The following KDM4B variants were observed in gnomAD, a reference collection of about 807,000 sequenced individuals.
KDM4B encodes the protein lysine demethylase 4B.
A neutral mutation model predicts 125.2 loss-of-function variants in KDM4B; 32 were observed. That is an observed-to-expected ratio of 0.26 (90% CI 0.19 to 0.34). The LOEUF (loss-of-function observed/expected upper bound fraction) is 0.34, where lower values mean the gene tolerates loss of function less well. Among genes scored for constraint, KDM4B ranks in the 10% least tolerant of loss-of-function variants. KDM4B has a pLI of 1.00. For synonymous variants in KDM4B, 721 were observed against 677.9 expected, an observed-to-expected ratio of 1.06 and a Z score of -0.99; for missense variants, 1,190 against 1,577.7, an observed-to-expected ratio of 0.75 and a Z score of 4.16.
chr19:4,983,975 G>C (rs11880607), intron 1 of KDM4B, among the ~76,000 whole-genome samples: 1 of 152,116 alleles, frequency 6.6e-6, no homozygotes, highest in African/African-American at 2.4e-5. Flanking sequence ...ATTACCACGC[G>C]AAAAGCCCTT....
intron 9 of KDM4B, among the ~76,000 whole-genome samples, chr19:5,110,365 G>T (rs1393798612): frequency 6.6e-6 from 1 of 152,170 alleles, no homozygotes; most frequent in Non-Finnish European, 1.5e-5. Flanking sequence ...CCAGCTACTT[G>T]GGAGGCTGAG....
At position 5,114,827 on chromosome 19, in the gene KDM4B, G is replaced by A. The variant is rs1382282599; in HGVS notation, c.1115+4009G>A. Among the ~76,000 whole-genome samples, 2 of 152,188 alleles carry A rather than the reference G, an allele frequency of 1.3e-5. No individual in the cohort carries two copies. The highest frequency in any genetic ancestry group is 4.8e-5 in the African/African-American group (2 of 41,448). On this transcript the variant is annotated intron_variant, in intron 10 of 22. Coordinates refer to ENST00000159111, the MANE Select transcript of KDM4B (RefSeq NM_015015.3). This position sits in a 1 kb window ranked among gnomAD's most constrained non-coding sequence, Gnocchi z 5.8. ...TTACTGGGTGACAGGGCCAGAGGCC[G>A]TCCACCCCGCCTCCTGCCATACAAG...
intron 5 of KDM4B, among the ~76,000 whole-genome samples, chr19:5,042,684 G>T (rs370282617): frequency 1.4e-4 from 21 of 151,754 alleles, no homozygotes; most frequent in Non-Finnish European, 2.2e-4. Flanking sequence ...GAGAGTGAGG[G>T]GGGGGGCGCC....
intron 1 of KDM4B, among the ~76,000 whole-genome samples, chr19:4,992,048 A>G (rs1599370269): frequency 6.6e-6 from 1 of 152,114 alleles, no homozygotes; most frequent in Non-Finnish European, 1.5e-5. Flanking sequence ...TGAGTTCTCC[A>G]GAGATGGAGG....
chr19:5,136,295 G>A (rs1052930168), intron 15 of KDM4B, among the ~76,000 whole-genome samples: 1 of 152,220 alleles, frequency 6.6e-6, no homozygotes, highest in Non-Finnish European at 1.5e-5. Context: ...CCAGTCCTGA[G>A]GCTCGACCAT....
chr19:5,128,369 G>T (rs2039485250), intron 11 of KDM4B, among the ~76,000 whole-genome samples: 1 of 152,136 alleles, frequency 6.6e-6, no homozygotes, highest in South Asian at 2.1e-4. Flanking sequence ...GCCCTCCTGG[G>T]CCAGATCCCA....
At chr19:4,969,738 C>A (rs1256148137) in intron 1 of KDM4B, among the ~76,000 whole-genome samples, 1 of 152,000 alleles carries the variant, frequency 6.6e-6, no homozygotes. Flanking sequence ...GGAAGCCCCC[C>A]AGCTGGACAC....
chr19:5,007,715 T>C (rs2035606904), intron 1 of KDM4B, among the ~76,000 whole-genome samples: 1 of 151,936 alleles, frequency 6.6e-6, no homozygotes, highest in Non-Finnish European at 1.5e-5. Context: ...CTGGCTAATT[T>C]TTTTCTTCTT....
chr19:5,123,611 G>A (rs766304811), intron 11 of KDM4B, among the ~76,000 whole-genome samples: 7 of 152,250 alleles, frequency 4.6e-5, no homozygotes, highest in Non-Finnish European at 8.8e-5. Context: ...GGGGCTTCCT[G>A]CAGGGCAGGA....
intron 6 of KDM4B, among the ~76,000 whole-genome samples, chr19:5,068,545 T>C (rs1262948337): frequency 6.6e-6 from 1 of 152,208 alleles, no homozygotes; most frequent in African/African-American, 2.4e-5. Context: ...CCTGGCACTT[T>C]CTCTTGGAAA....
chr19:5,116,759 T>C (rs888913842), intron 10 of KDM4B, among the ~76,000 whole-genome samples: 1 of 152,134 alleles, frequency 6.6e-6, no homozygotes, highest in Non-Finnish European at 1.5e-5. Flanking sequence ...CCCGAGTTGC[T>C]CTGTGGCTCA....
chr19:5,106,016 CCA>C (rs1348511013), intron 9 of KDM4B, among the ~76,000 whole-genome samples: 6 of 152,350 alleles, frequency 3.9e-5, no homozygotes, highest in East Asian at 3.9e-4. Context: ...ATTGAAAGAA[CCA>C]CAGTTATTGT....
At chr19:5,100,378 T>C (rs896425276) in intron 9 of KDM4B, among the ~76,000 whole-genome samples, 11 of 152,212 alleles carry the variant, frequency 7.2e-5, no homozygotes, top group African/African-American at 2.7e-4. Context: ...CTTCCCCACC[T>C]CCGTTTTCTA....
intron 5 of KDM4B, among the ~76,000 whole-genome samples, chr19:5,045,309 G>A (rs1204630951): frequency 6.6e-6 from 1 of 152,204 alleles, no homozygotes; most frequent in Non-Finnish European, 1.5e-5. Context: ...CCTTCGCGGC[G>A]GGGCCCCTTT....
chr19:5,058,700 G>T (rs1159201260), intron 6 of KDM4B, among the ~76,000 whole-genome samples: 1 of 152,242 alleles, frequency 6.6e-6, no homozygotes, highest in African/African-American at 2.4e-5. Context: ...CCGCTGGCTT[G>T]GTCTGGCAGG....
intron 1 of KDM4B, among the ~76,000 whole-genome samples, chr19:5,010,036 C>A (rs10402371): frequency 0.042 from 6,423 of 152,242 alleles, 461 homozygotes; most frequent in African/African-American, 0.15. Flanking sequence ...CTGGCCTCAA[C>A]TATAGATTCT....
At chr19:5,045,347 C>A (rs2036992297) in intron 5 of KDM4B, among the ~76,000 whole-genome samples, 1 of 152,094 alleles carries the variant, frequency 6.6e-6, no homozygotes. Flanking sequence ...CTGTGTGTTT[C>A]CTTGGTGAGC....
chr19:5,048,595 C>T (rs1341276495), intron 6 of KDM4B, among the ~76,000 whole-genome samples: 14 of 104,258 alleles, frequency 1.3e-4, no homozygotes, highest in Non-Finnish European at 2.3e-4. Flanking sequence ...GAGTTGTAAG[C>T]GGGGAGAGGG....
In KDM4B at chr19:5,133,963, A is replaced by G. The variant is rs1568318495; in HGVS notation, c.1987A>G (p.Arg663Gly). ...RPLLSLQWKN[R>G]AASFQAERKF... ...GCTGCTGTCTCTGCAGTGGAAGAAC[A>G]GGGCGGCCAGCTTCCAGGCCGAGAG... The change falls in exon 14 of 23, where the codon AGG becomes GGG. Residue 663 changes from arginine to glycine, a missense_variant. By Grantham distance (125) the Arg-to-Gly change is moderately radical. Around this residue, in one of 7 missense-constraint regions of KDM4B, gnomAD observed 128 missense variants for 137.8 expected, o/e 0.93. Coordinates refer to ENST00000159111, the MANE Select transcript of KDM4B (RefSeq NM_015015.3). 1.2e-6 allele frequency: 2 copies of G among 1,612,850 alleles called. No individual in the cohort carries two copies. The highest frequency in any genetic ancestry group is 1.1e-5 in the South Asian group (1 of 91,078).
Sources: allele counts gnomAD v4.1 joint callset (sites outside exome capture counted in the v4.1 genomes callset), GRCh38; gene constraint gnomAD v4.1.1; regional missense constraint gnomAD v4.1.1; non-coding constraint Gnocchi (gnomAD v3.1); transcripts MANE v1.5; gene names NCBI Gene and HGNC (gene_info 2026-07-23, HGNC 2026-07-21).